The following VPS8 variants were observed in gnomAD, a reference collection of about 807,000 sequenced individuals.
VPS8 encodes VPS8 subunit of CORVET complex, also known as vacuolar protein sorting-associated protein 8 homolog.
In VPS8, 129 loss-of-function variants were observed where a neutral mutation model predicts 216.4. The ratio of observed to expected loss-of-function variants is 0.60; its 90% CI spans 0.52 to 0.69. The LOEUF is 0.69. VPS8 is among the 30% of genes least tolerant of loss of function. The probability of loss-of-function intolerance (pLI) is 0.00; values close to 1 mark genes in which losing one functional copy is unlikely to be tolerated. For synonymous variants in VPS8, 571 were observed against 565.4 expected (o/e 1.01, Z -0.14); for missense variants, 1,531 against 1,683.5 (o/e 0.91, Z 1.59).
At chr3:185,026,655 C>T (rs979091491) in intron 46 of VPS8, among the ~76,000 whole-genome samples, 2 of 151,260 alleles carry the variant, frequency 1.3e-5, no homozygotes, top group Non-Finnish European at 2.9e-5. Context: ...ATGATCCATC[C>T]GCCTTGGCCT....
At chr3:184,892,032 G>A (rs1320771996) in intron 22 of VPS8, among the ~76,000 whole-genome samples, 1 of 152,100 alleles carries the variant, frequency 6.6e-6, no homozygotes, top group Non-Finnish European at 1.5e-5. Flanking sequence ...AGTGAAGTTT[G>A]TAGAAATATC....
chr3:184,916,482 T>C (rs1280256975), intron 28 of VPS8, among the ~76,000 whole-genome samples: 3 of 152,148 alleles, frequency 2.0e-5, no homozygotes, highest in Non-Finnish European at 4.4e-5. Flanking sequence ...CAAATTTCCC[T>C]AATAAGCCTA....
chr3:184,980,184 T>C (rs1749963371), intron 40 of VPS8, among the ~76,000 whole-genome samples: 1 of 152,158 alleles, frequency 6.6e-6, no homozygotes, highest in African/African-American at 2.4e-5. Context: ...GGGGTTCCCT[T>C]TGTAGGTGAC....
intron 37 of VPS8, among the ~76,000 whole-genome samples, chr3:184,962,084 A>AT (rs901113837): frequency 6.6e-6 from 1 of 152,212 alleles, no homozygotes; most frequent in Middle Eastern, 3.2e-3. Context: ...TTTTTAAAAC[A>AT]TTTTTATACA....
chr3:184,930,354 A>G (rs77258156), intron 33 of VPS8, 116 bp from the exon 34 acceptor site: 6,749 of 604,470 alleles, frequency 0.011, 356 homozygotes, highest in African/African-American at 0.11. Context: ...TCAGTTAACT[A>G]TCTCCAGATA....
intron 9 of VPS8, chr3:184,849,412 T>C (rs1264421682): frequency 7.4e-6 from 3 of 404,184 alleles, no homozygotes; most frequent in Non-Finnish European, 1.3e-5. Flanking sequence ...TCCTAGTTCA[T>C]GTGTCTATTT....
intron 7 of VPS8, among the ~76,000 whole-genome samples, chr3:184,840,742 C>A (rs1721983802): frequency 6.6e-6 from 1 of 151,738 alleles, no homozygotes; most frequent in Admixed American, 6.6e-5. Context: ...AAACAAAAAA[C>A]TATTAGTTTT....
intron 21 of VPS8, among the ~76,000 whole-genome samples, chr3:184,884,672 C>T (rs1231505594): frequency 1.3e-5 from 2 of 151,838 alleles, no homozygotes; most frequent in Non-Finnish European, 2.9e-5. Context: ...TTTAAGAATC[C>T]CAGTTTTAGG....
chr3:184,983,199 T>C lies in VPS8; in HGVS notation c.3585+105T>C, dbSNP rs530672562. On this transcript the variant is annotated intron_variant, in intron 42 of 47. Transcript: ENST00000625842. Reference sequence around the variant, plus strand: ...ATATTTAAATGGATCTCAAGCATAATGCAGCTAATTTTTGGCAATAGCTAA... The same window carrying C: ...ATATTTAAATGGATCTCAAGCATAACGCAGCTAATTTTTGGCAATAGCTAA... The C allele has an allele frequency of 4.9e-6, 5 of 1,022,134 alleles. No individual in the cohort carries two copies. The African/African-American group carries it at 6.7e-5, about 14-fold the overall frequency. The allele number at this position is 1,022,134 out of a possible 1,614,324, so 63.3% of individuals were successfully genotyped here. A position where few individuals can be genotyped will look rare whatever the true frequency, so the allele number is the denominator to read the frequency against.
chr3:184,868,263 T>C, intron 18 of VPS8: 1 of 521,024 alleles, frequency 1.9e-6, no homozygotes, highest in Non-Finnish European at 3.4e-6. Flanking sequence ...TATTAGAAAA[T>C]TCAAAATAAT....
At chr3:185,035,103 A>T (rs1577238243) in intron 46 of VPS8, among the ~76,000 whole-genome samples, 3 of 152,052 alleles carry the variant, frequency 2.0e-5, no homozygotes, top group East Asian at 3.9e-4. Context: ...AATCAGTAAT[A>T]AAAAAACCCA....
chr3:184,915,421 A>C lies in VPS8; in HGVS notation c.2329A>C (p.Ile777Leu). The change falls in exon 28 of 48, where the codon ATT (isoleucine) becomes CTT (leucine). Residue 777 changes from isoleucine (I) to leucine (L), a missense_variant. Transcript: ENST00000625842. ...TCCTGAGGAAGAAATCTATCCTTAC[A>C]TTCGGACTTTGCTACATTTTGACAC... is the stretch of plus-strand genomic sequence containing the variant. ...ASPEEEIYPYIRTLLHFDTRE... is the reference protein window; with the variant it reads ...ASPEEEIYPYLRTLLHFDTRE... 1.2e-6 allele frequency: 2 copies of C among 1,613,876 alleles called. No individual in the cohort carries two copies. Among genetic ancestry groups the C allele is most frequent in the Non-Finnish European group, 1.7e-6 (2 of 1,179,832 alleles).
At chr3:184,908,219 GC>G (rs1366110898) in intron 25 of VPS8, among the ~76,000 whole-genome samples, 8 of 152,196 alleles carry the variant, frequency 5.3e-5, no homozygotes, top group Admixed American at 3.9e-4. Context: ...TAAGTAAGCT[GC>G]CAGATAGGTC....
intron 46 of VPS8, among the ~76,000 whole-genome samples, chr3:185,043,862 A>G (rs1218792833): frequency 6.6e-6 from 1 of 152,226 alleles, no homozygotes; most frequent in Non-Finnish European, 1.5e-5. Flanking sequence ...GGCAAGTCCT[A>G]CACTGCTCCT....
rs1224318830 is a variant in VPS8 at position 184,996,508 on chromosome 3, A to C, written c.3836+7A>C. On this transcript the variant is annotated splice_region_variant and intron_variant, in intron 44 of 47. Coordinates refer to ENST00000625842, the MANE Select transcript of VPS8 (RefSeq NM_001009921.3). ...ATGAAATAATTGTCTTTAGGTAAGA[A>C]AGGGAAGGAAATGTTACATGTATGG... The C allele has an allele frequency of 6.3e-7, 1 of 1,598,066 alleles. No homozygotes were observed. Among genetic ancestry groups the C allele is most frequent in the African/African-American group, 1.3e-5 (1 of 74,206 alleles).
At chr3:184,960,820 G>C (rs1326018590) in intron 37 of VPS8, among the ~76,000 whole-genome samples, 2 of 152,208 alleles carry the variant, frequency 1.3e-5, no homozygotes, top group East Asian at 3.8e-4. Context: ...TAATTCGTAA[G>C]TCAAAGTCAT....
chr3:185,050,384 C>G (rs1713946879), intron 47 of VPS8, among the ~76,000 whole-genome samples: 1 of 152,128 alleles, frequency 6.6e-6, no homozygotes. Flanking sequence ...TGGGCCAGGA[C>G]CTGGACCACT....
chr3:184,874,066 A>C (rs1315546528), intron 21 of VPS8, among the ~76,000 whole-genome samples: 1 of 151,948 alleles, frequency 6.6e-6, no homozygotes, highest in African/African-American at 2.4e-5. Flanking sequence ...TTGACTTTTA[A>C]AGTGTTTTTT....
intron 37 of VPS8, among the ~76,000 whole-genome samples, chr3:184,958,586 TGTG>T (rs1745987805): frequency 6.6e-6 from 1 of 152,126 alleles, no homozygotes; most frequent in Non-Finnish European, 1.5e-5. Context: ...ATAAATAAGT[TGTG>T]GTGATTCCTC....
Sources: allele counts gnomAD v4.1 joint callset (sites outside exome capture counted in the v4.1 genomes callset), GRCh38; gene constraint gnomAD v4.1.1; transcripts MANE v1.5; gene names NCBI Gene and HGNC (gene_info 2026-07-23, HGNC 2026-07-21).